The following AGK variants were observed in gnomAD, a reference collection of about 807,000 sequenced individuals.
AGK encodes acylglycerol kinase.
A neutral mutation model predicts 66.4 loss-of-function variants in AGK; 52 were observed. That is an observed-to-expected ratio of 0.78 (90% CI 0.63 to 0.99). AGK has a LOEUF of 0.99. AGK is among the 50% of genes least tolerant of loss of function. AGK has a pLI of 0.00. For missense variants in AGK, 451 were observed against 506.6 expected, an observed-to-expected ratio of 0.89 and a Z score of 1.05; for synonymous variants, 182 against 181.1, an observed-to-expected ratio of 1.00 and a Z score of -0.04.
intron 2 of AGK, 131 bp from the exon 3 acceptor site, chr7:141,593,015 T>G: frequency 1.3e-6 from 1 of 749,284 alleles, no homozygotes; most frequent in South Asian, 1.7e-5. Flanking sequence ...GTTATCAGGT[T>G]TTTAAGGAAC....
chr7:141,572,146 T>C (rs1347517227), intron 2 of AGK, among the ~76,000 whole-genome samples: 2 of 152,150 alleles, frequency 1.3e-5, no homozygotes, highest in African/African-American at 4.8e-5. Context: ...AAGTCTGTAG[T>C]ATTTGGGGAA....
chr7:141,602,173 T>TTGTGTGTGTGTGTGTGTGTGTGTGTG (rs71172608), intron 5 of AGK, among the ~76,000 whole-genome samples: 2,566 of 125,164 alleles, frequency 0.021, 110 homozygotes, highest in East Asian at 0.044. Context: ...GGAGATTTTC[T>TTGTGTGTGTGTGTGTGTGTGTGTGTG]TGTGTGTGTG....
Position 141,555,594 on chromosome 7 carries a change from C to A in AGK, c.101+27C>A. On this transcript the variant is annotated intron_variant, in intron 2 of 15. Transcript: ENST00000649286. The surrounding 1 kb of genome is among the most constrained non-coding windows in gnomAD (Gnocchi z 4.2). ...TAACTATCTGACAGCCCCATCCCAC[C>A]TTTGCATCTGCAGCAAAACAGCCCC... is the stretch of plus-strand genomic sequence containing the variant. 1 of 1,559,190 alleles carries A rather than the reference C, an allele frequency of 6.4e-7. No individual in the cohort carries two copies.
At chr7:141,578,855 AGG>A (rs762468292) in intron 2 of AGK, among the ~76,000 whole-genome samples, 1 of 152,036 alleles carries the variant, frequency 6.6e-6, no homozygotes, top group Non-Finnish European at 1.5e-5. Flanking sequence ...GTGCCCAAGG[AGG>A]GTCAGCATAG....
At chr7:141,589,146 T>G (rs1796055204) in intron 2 of AGK, among the ~76,000 whole-genome samples, 1 of 152,140 alleles carries the variant, frequency 6.6e-6, no homozygotes, top group Non-Finnish European at 1.5e-5. Context: ...TTCAAATGCC[T>G]CTGACACTTA....
intron 4 of AGK, among the ~76,000 whole-genome samples, chr7:141,600,696 A>G (rs7785809): frequency 0.094 from 14,290 of 152,206 alleles, 1,484 homozygotes; most frequent in African/African-American, 0.26. Context: ...ACCATACAGT[A>G]TGAAAGTCAC....
chr7:141,578,367 C>T (rs899693776), intron 2 of AGK, among the ~76,000 whole-genome samples: 8 of 151,794 alleles, frequency 5.3e-5, no homozygotes, highest in South Asian at 2.1e-4. Context: ...AGGCAGGGAC[C>T]GGCCATTTTC....
chr7:141,604,443 G>C (rs116769791), intron 5 of AGK, among the ~76,000 whole-genome samples: 2,547 of 143,192 alleles, frequency 0.018, 82 homozygotes, highest in African/African-American at 0.061. Flanking sequence ...TTTCTGGCTT[G>C]TTTGAGAGTA....
chr7:141,611,130 T>A, intron 5 of AGK, 65 bp from the exon 6 acceptor site: 1 of 1,042,810 alleles, frequency 9.6e-7, no homozygotes, highest in Non-Finnish European at 1.4e-6. Context: ...TATCCCACAT[T>A]TTTAAACCTT....
At chr7:141,614,081 C>A in intron 6 of AGK, 65 bp from the exon 7 acceptor site, 1 of 1,208,106 alleles carries the variant, frequency 8.3e-7, no homozygotes, top group Admixed American at 2.0e-5. Flanking sequence ...AAAATTGAAT[C>A]CAATTCTTTT....
intron 2 of AGK, among the ~76,000 whole-genome samples, chr7:141,569,533 CA>C (rs1562960571): frequency 6.6e-6 from 1 of 151,974 alleles, no homozygotes; most frequent in Non-Finnish European, 1.5e-5. Context: ...GACTCTGTCT[CA>C]AAAATAAAAT....
At chr7:141,650,528 A>G (rs776958011) in intron 14 of AGK, 22 of 985,454 alleles carry the variant, frequency 2.2e-5, no homozygotes, top group Non-Finnish European at 2.7e-5. Flanking sequence ...AACATAGTGA[A>G]GCTGCGTTAG....
chr7:141,647,891 G>A (rs1039719229), intron 13 of AGK, among the ~76,000 whole-genome samples: 1 of 152,124 alleles, frequency 6.6e-6, no homozygotes, highest in South Asian at 2.1e-4. Context: ...GGCTGGTCTC[G>A]AACTCCTGAC....
intron 5 of AGK, among the ~76,000 whole-genome samples, chr7:141,610,271 T>G (rs1223749351): frequency 6.6e-6 from 1 of 152,032 alleles, no homozygotes; most frequent in Non-Finnish European, 1.5e-5. Context: ...CTGGCCCAGA[T>G]ATATATATAT....
At chr7:141,624,725 G>A (rs1796898052) in intron 9 of AGK, among the ~76,000 whole-genome samples, 1 of 152,208 alleles carries the variant, frequency 6.6e-6, no homozygotes, top group Non-Finnish European at 1.5e-5. Flanking sequence ...GACATGGAAT[G>A]TAATCCTGGT....
At chr7:141,553,632 T>C (rs1360355163) in intron 1 of AGK, among the ~76,000 whole-genome samples, 1 of 152,124 alleles carries the variant, frequency 6.6e-6, no homozygotes, top group Non-Finnish European at 1.5e-5. Flanking sequence ...ACCATATAGG[T>C]GTTTATTAAA....
At chr7:141,599,050 T>C (rs1796287155) in intron 4 of AGK, 1 of 152,186 alleles carries the variant, frequency 6.6e-6, no homozygotes, top group South Asian at 2.1e-4. Context: ...AAAGGTGTTG[T>C]CTCCTTTAAC....
At chr7:141,617,481 G>C (rs1796733003) in intron 8 of AGK, among the ~76,000 whole-genome samples, 1 of 152,178 alleles carries the variant, frequency 6.6e-6, no homozygotes, top group South Asian at 2.1e-4. Flanking sequence ...CTCATAAAAT[G>C]GCAGAAGCCT....
rs1263033319 is a variant in AGK at position 141,598,715 on chromosome 7, C to G, written c.221+2074C>G. 1.3e-5 allele frequency among the ~76,000 whole-genome samples: 2 copies of G among 152,246 alleles called. No homozygotes were observed. Among genetic ancestry groups the G allele is most frequent in the East Asian group, 3.9e-4 (2 of 5,180 alleles). On this transcript the variant is annotated intron_variant, in intron 4 of 15. Coordinates refer to ENST00000649286, the MANE Select transcript of AGK (RefSeq NM_018238.4). This position sits in a 1 kb window ranked among gnomAD's most constrained non-coding sequence, Gnocchi z 4.2. The stretch of plus-strand genomic sequence containing the variant: ...CAGAACAGTCTTCACTTCGCTATCC[C>G]ATCCTTCCCAGAAGCTCTTGTACCT...
Sources: gnomAD v4.1 joint callset for allele counts (sites outside exome capture counted in the v4.1 genomes callset) on GRCh38, gnomAD v4.1.1 for gene constraint, Gnocchi (gnomAD v3.1) non-coding constraint, MANE v1.5 for transcripts, NCBI Gene and HGNC (gene_info 2026-07-23, HGNC 2026-07-21) for gene names.